Variants in NCOA2 observed in about 807,000 individuals in gnomAD.
The protein encoded by NCOA2 is nuclear receptor coactivator 2, also known as class E basic helix-loop-helix protein 75.
Under a neutral mutation model 145.1 loss-of-function variants are expected in NCOA2, and 21 were observed. That is an observed-to-expected ratio of 0.14 (90% confidence interval 0.10 to 0.21). The LOEUF (loss-of-function observed/expected upper bound fraction) is 0.21, where lower values mean the gene tolerates loss of function less well. NCOA2 is among the 10% of genes least tolerant of loss of function. NCOA2 has a pLI of 1.00. For missense variants in NCOA2, 1,472 were observed against 1,837.6 expected (o/e 0.80, Z 3.64); for synonymous variants, 619 against 637.5 (o/e 0.97, Z 0.44).
In NCOA2 at chr8:70,113,635, G is replaced by A; in HGVS notation, c.4392C>T (p.Cys1464=). 6.4e-7 allele frequency: 1 copy of A among 1,551,926 alleles called. No homozygotes were observed. Among genetic ancestry groups the A allele is most frequent in the Non-Finnish European group, 8.7e-7 (1 of 1,147,064 alleles). Reference sequence around the variant, plus strand: ...GAAGCAACTGGCTTCAGCAGTGTCAGCAATATTTCTGTAGGAAAACAGATA... The same window carrying A: ...GAAGCAACTGGCTTCAGCAGTGTCAACAATATTTCTGTAGGAAAACAGATA... ...KQEGDTTRKY[C] The change falls in exon 23 of 23, where the codon TGC becomes TGT. Residue 1464 remains cysteine (C), a synonymous_variant. Transcript: ENST00000452400.
intron 1 of NCOA2, among the ~76,000 whole-genome samples, chr8:70,381,524 A>C (rs1434060555): frequency 6.6e-6 from 1 of 152,238 alleles, no homozygotes; most frequent in African/African-American, 2.4e-5. Flanking sequence ...CTAATGCTAC[A>C]TAAGCACTAA....
chr8:70,272,237 G>A (rs1344861037), intron 2 of NCOA2, among the ~76,000 whole-genome samples: 1 of 152,064 alleles, frequency 6.6e-6, no homozygotes, highest in African/African-American at 2.4e-5. Flanking sequence ...TTCATCACCA[G>A]TATTCTGCTA....
chr8:70,426,091 T>C, the NCOA2 span, among the ~76,000 whole-genome samples: 1 of 152,182 alleles, frequency 6.6e-6, no homozygotes. Context: ...AAAACTCTTC[T>C]CTTCATAGTG....
At chr8:70,408,676 C>CT (rs1814815912), upstream of NCOA2, among the ~76,000 whole-genome samples, 1 of 151,456 alleles carries the variant, frequency 6.6e-6, no homozygotes, top group Non-Finnish European at 1.5e-5. Context: ...TGACCTTACT[C>CT]TGTCACTCAG....
intron 2 of NCOA2, among the ~76,000 whole-genome samples, chr8:70,249,660 T>C (rs1159402982): frequency 6.6e-6 from 1 of 151,994 alleles, no homozygotes; most frequent in East Asian, 1.9e-4. Flanking sequence ...GAAGAAACAG[T>C]ATCTGTATAT....
chr8:70,425,296 A>G, the NCOA2 span, among the ~76,000 whole-genome samples: 3 of 152,082 alleles, frequency 2.0e-5, no homozygotes, highest in East Asian at 5.8e-4. Flanking sequence ...TGCATTTTTA[A>G]AACATTTCAA....
chr8:70,190,713 G>A (rs1478924134), intron 4 of NCOA2, among the ~76,000 whole-genome samples: 1 of 152,106 alleles, frequency 6.6e-6, no homozygotes, highest in African/African-American at 2.4e-5. Context: ...AAATTTAGCT[G>A]GGCGTGGTGG....
At chr8:70,184,524 G>A (rs975946039) in intron 4 of NCOA2, among the ~76,000 whole-genome samples, 1 of 152,154 alleles carries the variant, frequency 6.6e-6, no homozygotes, top group African/African-American at 2.4e-5. Flanking sequence ...GCTGATAGAG[G>A]AAAGCCACCT....
intron 1 of NCOA2, among the ~76,000 whole-genome samples, chr8:70,327,032 C>A (rs1417203077): frequency 6.6e-6 from 1 of 152,174 alleles, no homozygotes; most frequent in Non-Finnish European, 1.5e-5. Context: ...CACTTCACTG[C>A]CTTTGCTTAA....
chr8:70,260,512 C>A (rs1824024809), intron 2 of NCOA2, among the ~76,000 whole-genome samples: 1 of 152,124 alleles, frequency 6.6e-6, no homozygotes, highest in Non-Finnish European at 1.5e-5. Flanking sequence ...TCTAAACCAA[C>A]AAGGTAGAGT....
chr8:70,336,297 T>A (rs549595018), intron 1 of NCOA2, among the ~76,000 whole-genome samples: 28 of 152,200 alleles, frequency 1.8e-4, no homozygotes, highest in Non-Finnish European at 3.1e-4. Flanking sequence ...GATCTGTCGC[T>A]GACTGAAAAA....
chr8:70,213,857 A>C (rs1563630951), intron 4 of NCOA2, 46 bp downstream of exon 4: 4 of 1,490,690 alleles, frequency 2.7e-6, no homozygotes, highest in Non-Finnish European at 3.6e-6. Flanking sequence ...ACAGGGAAAA[A>C]CAGAAACCAA....
chr8:70,323,254 G>A (rs1806240318), intron 1 of NCOA2, among the ~76,000 whole-genome samples: 1 of 152,130 alleles, frequency 6.6e-6, no homozygotes, highest in African/African-American at 2.4e-5. Flanking sequence ...TTACCATCTA[G>A]AGGAAACAAA....
At chr8:70,409,104 T>C in the NCOA2 span, among the ~76,000 whole-genome samples, 3 of 152,130 alleles carry the variant, frequency 2.0e-5, no homozygotes, top group African/African-American at 7.2e-5. Context: ...AGTATTAAGA[T>C]GTCATCAGTA....
chr8:70,327,404 C>T (rs924260900), intron 1 of NCOA2, among the ~76,000 whole-genome samples: 2 of 152,076 alleles, frequency 1.3e-5, no homozygotes, highest in African/African-American at 2.4e-5. Context: ...TTAATATAAT[C>T]CATTCAAATA....
chr8:70,398,593 C>A (rs374159861), intron 1 of NCOA2, among the ~76,000 whole-genome samples: 2 of 152,210 alleles, frequency 1.3e-5, no homozygotes, highest in African/African-American at 4.8e-5. Flanking sequence ...AATTTCAATT[C>A]TCCACGTTAT....
At chr8:70,207,413 A>G (rs757224710) in intron 4 of NCOA2, among the ~76,000 whole-genome samples, 2 of 152,240 alleles carry the variant, frequency 1.3e-5, no homozygotes, top group African/African-American at 2.4e-5. Context: ...CTTAAGAAAT[A>G]AAATAAGGGG....
intron 1 of NCOA2, among the ~76,000 whole-genome samples, chr8:70,342,701 CTACAT>C (rs1440582546): frequency 6.8e-6 from 1 of 147,912 alleles, no homozygotes; most frequent in Non-Finnish European, 1.5e-5. Flanking sequence ...TATAATATTA[CTACAT>C]TACCTTTTTT....
the NCOA2 span, among the ~76,000 whole-genome samples, chr8:70,440,241 C>T: frequency 6.6e-6 from 1 of 151,816 alleles, no homozygotes; most frequent in East Asian, 1.9e-4. Context: ...TGCACCACTG[C>T]ACTCCAGCCT....
Sources: allele counts gnomAD v4.1 joint callset (sites outside exome capture counted in the v4.1 genomes callset), GRCh38; gene constraint gnomAD v4.1.1; transcripts MANE v1.5; gene names NCBI Gene and HGNC (gene_info 2026-07-23, HGNC 2026-07-21).